Variants in PCP4L1 observed in about 807,000 individuals in gnomAD.
PCP4L1 encodes the protein Purkinje cell protein 4-like protein 1.
A neutral mutation model predicts 9.6 loss-of-function variants in PCP4L1; 9 were observed. The ratio of observed to expected loss-of-function variants is 0.94; its 90% CI spans 0.57 to 1.64. PCP4L1 has a LOEUF of 1.64. Among genes scored for constraint, PCP4L1 ranks in the 40% most tolerant of loss-of-function variants. PCP4L1 has a pLI of 0.00. For synonymous variants in PCP4L1, 31 were observed against 28.2 expected (o/e 1.10, Z -0.31); for missense variants, 81 against 80.8 (o/e 1.00, Z -0.01).
intron 1 of PCP4L1, among the ~76,000 whole-genome samples, chr1:161,266,229 C>T (rs12354387): frequency 0.032 from 4,935 of 152,268 alleles, 258 homozygotes; most frequent in African/African-American, 0.11. Flanking sequence ...GTCCTTGGTG[C>T]TGCCTCCCTC....
At chr1:161,280,229 C>A (rs1669771391) in intron 1 of PCP4L1, among the ~76,000 whole-genome samples, 2 of 152,132 alleles carry the variant, frequency 1.3e-5, no homozygotes, top group South Asian at 4.1e-4. Context: ...TAGGGAGACC[C>A]TCCAAATGTT....
intron 1 of PCP4L1, among the ~76,000 whole-genome samples, chr1:161,272,331 G>A (rs1171204325): frequency 6.6e-6 from 1 of 151,494 alleles, no homozygotes; most frequent in Admixed American, 6.6e-5. Flanking sequence ...AAGCCGAGGC[G>A]GGTAGATCAT....
chr1:161,266,665 C>T (rs948415867), intron 1 of PCP4L1, among the ~76,000 whole-genome samples: 10 of 152,016 alleles, frequency 6.6e-5, no homozygotes, highest in African/African-American at 2.2e-4. Context: ...TCTCAGGATG[C>T]ATCTGAGATA....
intron 1 of PCP4L1, among the ~76,000 whole-genome samples, chr1:161,281,487 C>G (rs568079115): frequency 6.6e-6 from 1 of 150,746 alleles, no homozygotes; most frequent in Admixed American, 6.6e-5. Flanking sequence ...ACCTCCCTCC[C>G]GGACTGGGCG....
rs759967140 is a variant in PCP4L1 at position 161,284,455 on chromosome 1, A to T, written c.181A>T (p.Lys61Ter). Residue 61 changes from lysine (K) to a stop codon, truncating the protein, a stop_gained, in exon 3 of 3, where the codon AAA becomes TAA. Transcript: ENST00000504449. LOFTEE classifies it high-confidence loss of function. ...AIQGKFRRFQKRKKDPSS is the reference protein window; with the variant it reads ...AIQGKFRRFQ The stretch of plus-strand genomic sequence containing the variant: ...TCAGGGCAAGTTCCGGCGATTTCAG[A>T]AAAGGAAAAAGGATCCCAGCTCCTG... 9 of 1,613,702 alleles carry T rather than the reference A, an allele frequency of 5.6e-6. No individual in the cohort carries two copies. Among genetic ancestry groups the T allele is most frequent in the Non-Finnish European group, 7.6e-6 (9 of 1,179,820 alleles).
In PCP4L1 at chr1:161,284,823, C is replaced by CT. The variant is rs1228952175; in HGVS notation, c.*345dup. ...GAACAATGTGGGAAGGAGGGGAAGG[C>CT]TTTCAGAGTAGGGTGCCTGAGGGTG... On this transcript the variant is annotated 3_prime_UTR_variant, in exon 3 of 3. Coordinates refer to ENST00000504449, the MANE Select transcript of PCP4L1 (RefSeq NM_001102566.2). 7.1e-6 allele frequency: 2 copies of CT among 282,388 alleles called. No homozygotes were observed. Among genetic ancestry groups the CT allele is most frequent in the African/African-American group, 4.3e-5 (2 of 46,848 alleles). The allele number at this position is 282,388 out of a possible 1,614,324, so 17.5% of individuals were successfully genotyped here.
intron 1 of PCP4L1, among the ~76,000 whole-genome samples, chr1:161,264,255 C>T (rs552825950): frequency 3.9e-4 from 60 of 151,964 alleles, no homozygotes; most frequent in Non-Finnish European, 4.6e-4. Flanking sequence ...CACTGTGGCT[C>T]ATGCCTGTAA....
chr1:161,266,980 G>A (rs1166194233), intron 1 of PCP4L1, among the ~76,000 whole-genome samples: 2 of 152,108 alleles, frequency 1.3e-5, no homozygotes, highest in East Asian at 3.9e-4. Flanking sequence ...AGGGATAAAA[G>A]GGTCCCAGGG....
intron 1 of PCP4L1, among the ~76,000 whole-genome samples, chr1:161,278,221 C>A (rs1275905132): frequency 6.6e-6 from 1 of 152,160 alleles, no homozygotes; most frequent in African/African-American, 2.4e-5. Flanking sequence ...ATAGAGCTCT[C>A]TGTACTGAAA....
chr1:161,259,017 G>T (rs1367067768), intron 1 of PCP4L1, 34 bp downstream of exon 1: 1 of 1,527,224 alleles, frequency 6.5e-7, no homozygotes, highest in Admixed American at 2.0e-5. Context: ...TGTCGGCAGG[G>T]CTGCGGCGGG....
chr1:161,283,929 C>A (rs1288059448), intron 2 of PCP4L1, among the ~76,000 whole-genome samples: 1 of 152,072 alleles, frequency 6.6e-6, no homozygotes, highest in Admixed American at 6.5e-5. Flanking sequence ...GTATTTCCTC[C>A]TTGATTTTAG....
chr1:161,259,578 T>G lies in PCP4L1; in HGVS notation c.9+595T>G, dbSNP rs74124697. 4.1e-3 allele frequency among the ~76,000 whole-genome samples: 629 copies of G among 152,312 alleles called. 4 individuals carry two copies. The highest frequency in any genetic ancestry group is 0.014 in the African/African-American group (580 of 41,560). ...AGAATAGACCTCCCTCTGCAGTGCT[T>G]GTTACAAACTAGGTCTTCCGGCAGG... is the stretch of plus-strand genomic sequence containing the variant. On this transcript the variant is annotated intron_variant, in intron 1 of 2. Transcript: ENST00000504449.
In PCP4L1 at chr1:161,284,409, A is replaced by C; in HGVS notation, c.135A>C (p.Thr45=). The C allele has an allele frequency of 6.2e-7, 1 of 1,614,026 alleles. No individual in the cohort carries two copies. The highest frequency in any genetic ancestry group is 1.1e-5 in the South Asian group (1 of 91,086). ...ACATTGATCTGACAGCACCAGAAAC[A>C]GAGAAGGCTGCCCTTGCTATTCAGG... ...EIDIDLTAPE[T]EKAALAIQGK... is the part of the protein sequence containing the mutation. The change falls in exon 3 of 3, where the codon ACA becomes ACC. Residue 45 remains threonine (T), a synonymous_variant. Transcript: ENST00000504449.
At chr1:161,282,740 G>T (rs936499524) in intron 1 of PCP4L1, among the ~76,000 whole-genome samples, 1 of 152,106 alleles carries the variant, frequency 6.6e-6, no homozygotes, top group Non-Finnish European at 1.5e-5. Flanking sequence ...TCAGGAAACG[G>T]CAGCTCTATT....
chr1:161,260,257 G>T (rs555749407), intron 1 of PCP4L1, among the ~76,000 whole-genome samples: 25 of 152,264 alleles, frequency 1.6e-4, no homozygotes, highest in African/African-American at 5.5e-4. Context: ...GTGTTGTCTT[G>T]GTTGCCGTGT....
chr1:161,263,498 A>G (rs1466912490), intron 1 of PCP4L1, among the ~76,000 whole-genome samples: 1 of 152,018 alleles, frequency 6.6e-6, no homozygotes, highest in Non-Finnish European at 1.5e-5. Context: ...CTCGGCTCCC[A>G]AAGTGCTGGG....
At chr1:161,276,039 C>A (rs1669693801) in intron 1 of PCP4L1, among the ~76,000 whole-genome samples, 1 of 152,106 alleles carries the variant, frequency 6.6e-6, no homozygotes, top group East Asian at 1.9e-4. Flanking sequence ...AAATGATCCG[C>A]CTGCTTCGGC....
intron 1 of PCP4L1, among the ~76,000 whole-genome samples, chr1:161,277,995 C>A (rs931471475): frequency 2.0e-5 from 3 of 152,142 alleles, no homozygotes; most frequent in Non-Finnish European, 4.4e-5. Flanking sequence ...CGAAGGGCAA[C>A]CCCTCCACTT....
chr1:161,265,779 C>A (rs1368807176), intron 1 of PCP4L1, among the ~76,000 whole-genome samples: 1 of 142,746 alleles, frequency 7.0e-6, no homozygotes, highest in Non-Finnish European at 1.5e-5. Flanking sequence ...GCTCTTGTTG[C>A]CCAGGCTGGA....
Sources: allele counts gnomAD v4.1 joint callset (sites outside exome capture counted in the v4.1 genomes callset), GRCh38; gene constraint gnomAD v4.1.1; transcripts MANE v1.5; gene names NCBI Gene and HGNC (gene_info 2026-07-23, HGNC 2026-07-21).